The following USP34 variants were observed in gnomAD, a reference collection of about 807,000 sequenced individuals.
The protein encoded by USP34 is ubiquitin carboxyl-terminal hydrolase 34.
In USP34, 70 loss-of-function variants were observed where a neutral mutation model predicts 460.3. That is an observed-to-expected ratio of 0.15 (90% CI 0.13 to 0.19). The LOEUF is 0.19. Ranked by LOEUF, USP34 falls within the 10% of genes least tolerant of loss-of-function variation. USP34 has a pLI of 1.00. For missense variants in USP34, 3,985 were observed against 4,236.2 expected, an observed-to-expected ratio of 0.94 and a Z score of 1.65; for synonymous variants, 1,647 against 1,405.3, an observed-to-expected ratio of 1.17 and a Z score of -3.85.
At chr2:61,344,153 C>T in intron 15 of USP34, 124 bp from the exon 16 acceptor site, 2 of 830,020 alleles carry the variant, frequency 2.4e-6, no homozygotes, top group Non-Finnish European at 3.7e-6. Flanking sequence ...TGCTTATTAA[C>T]AATATGGAAT....
chr2:61,411,095 T>C (rs1228549454), intron 2 of USP34, among the ~76,000 whole-genome samples: 1 of 151,666 alleles, frequency 6.6e-6, no homozygotes, highest in African/African-American at 2.4e-5. Flanking sequence ...AGAAGGCAAG[T>C]GTGATCAAGA....
chr2:61,442,108 A>C (rs1694983425), intron 1 of USP34, among the ~76,000 whole-genome samples: 1 of 152,176 alleles, frequency 6.6e-6, no homozygotes, highest in Non-Finnish European at 1.5e-5. Flanking sequence ...ACTCCTCTAC[A>C]TAAACAATCA....
At chr2:61,327,651 G>A (rs917109001) in intron 20 of USP34, among the ~76,000 whole-genome samples, 1 of 152,104 alleles carries the variant, frequency 6.6e-6, no homozygotes, top group Non-Finnish European at 1.5e-5. Flanking sequence ...CTCGGAATAA[G>A]GGACTAATAA....
At chr2:61,279,324 A>C (rs1689465335) in intron 39 of USP34, among the ~76,000 whole-genome samples, 1 of 152,196 alleles carries the variant, frequency 6.6e-6, no homozygotes, top group Non-Finnish European at 1.5e-5. Flanking sequence ...AAGTTTAAGA[A>C]AAACGTGTCC....
At chr2:61,276,515 C>T (rs1183445288) in intron 41 of USP34, among the ~76,000 whole-genome samples, 2 of 151,990 alleles carry the variant, frequency 1.3e-5, no homozygotes, top group African/African-American at 2.4e-5. Context: ...CATGAAAAGT[C>T]CTGGAAGGCC....
intron 62 of USP34, among the ~76,000 whole-genome samples, chr2:61,226,405 G>A (rs1299059396): frequency 6.6e-6 from 1 of 152,070 alleles, no homozygotes; most frequent in African/African-American, 2.4e-5. Context: ...TTTGCAAATA[G>A]GAAATCCACA....
intron 44 of USP34, among the ~76,000 whole-genome samples, chr2:61,258,415 G>A (rs112117433): frequency 4.6e-5 from 7 of 152,262 alleles, no homozygotes; most frequent in African/African-American, 1.4e-4. Context: ...ATATATACAA[G>A]GCAGAAACAA....
At chr2:61,231,867 TATG>T (rs1687915988) in intron 58 of USP34, among the ~76,000 whole-genome samples, 2 of 149,028 alleles carry the variant, frequency 1.3e-5, no homozygotes, top group Admixed American at 6.7e-5. Flanking sequence ...AATATATAAA[TATG>T]ATATATAACA....
intron 65 of USP34, among the ~76,000 whole-genome samples, chr2:61,222,352 CCAAT>C (rs1687611369): frequency 6.6e-6 from 1 of 152,104 alleles, no homozygotes; most frequent in African/African-American, 2.4e-5. Flanking sequence ...ATATATGTTC[CCAAT>C]CAAACAACTT....
Position 61,405,750 on chromosome 2 carries a change from G to C in USP34, c.510C>G (p.Pro170=). The change falls in exon 3 of 80, where the codon CCC becomes CCG. Residue 170 remains proline (P), a synonymous_variant. Coordinates refer to ENST00000398571, the MANE Select transcript of USP34 (RefSeq NM_014709.4). ...CVAKIFQIQF[P]LYTAYKHNTH... Reference sequence around the variant, plus strand: ...TATTATGCTTGTAAGCAGTATATAAGGGAAACTGAATTTGAAAAATTTTTG... The same window carrying C: ...TATTATGCTTGTAAGCAGTATATAACGGAAACTGAATTTGAAAAATTTTTG... 1 of 1,596,054 alleles carries C rather than the reference G, an allele frequency of 6.3e-7. No homozygotes were observed. Among genetic ancestry groups the C allele is most frequent in the Non-Finnish European group, 8.5e-7 (1 of 1,173,698 alleles).
chr2:61,378,930 A>AAAAAAAAAAAAAAAAAAAAAT (rs1692884409), intron 7 of USP34, among the ~76,000 whole-genome samples: 1 of 150,490 alleles, frequency 6.6e-6, no homozygotes, highest in African/African-American at 2.4e-5. Context: ...AAAAAAAAAA[A>AAAAAAAAAAAAAAAAAAAAAT]AAAAAAACAA....
chr2:61,201,248 G>C (rs976483546), intron 75 of USP34, among the ~76,000 whole-genome samples: 1 of 127,170 alleles, frequency 7.9e-6, no homozygotes, highest in Non-Finnish European at 1.6e-5. Context: ...ACTGGGTCTC[G>C]CTTAGTCACC....
At chr2:61,258,190 C>CA (rs1208332331) in intron 44 of USP34, among the ~76,000 whole-genome samples, 1 of 151,908 alleles carries the variant, frequency 6.6e-6, no homozygotes, top group Non-Finnish European at 1.5e-5. Context: ...TCTGTCTCTA[C>CA]AAAAAATAAA....
At chr2:61,215,642 G>A (rs182793643) in intron 67 of USP34, among the ~76,000 whole-genome samples, 1 of 152,226 alleles carries the variant, frequency 6.6e-6, no homozygotes, top group African/African-American at 2.4e-5. Context: ...TCTGAATCTT[G>A]GAGAAGCAAA....
chr2:61,392,606 G>A (rs930772766), intron 5 of USP34, among the ~76,000 whole-genome samples: 2 of 151,890 alleles, frequency 1.3e-5, no homozygotes, highest in African/African-American at 2.4e-5. Context: ...CCTGGGTGAC[G>A]GAGTGAGACT....
chr2:61,451,073 T>G (rs956057148), intron 1 of USP34, among the ~76,000 whole-genome samples: 3 of 150,284 alleles, frequency 2.0e-5, no homozygotes, highest in Non-Finnish European at 4.4e-5. Flanking sequence ...TAAAAAAAAT[T>G]GGCTGGGCAT....
chr2:61,230,640 T>C (rs995475648), intron 58 of USP34, among the ~76,000 whole-genome samples: 24 of 151,982 alleles, frequency 1.6e-4, no homozygotes, highest in Middle Eastern at 3.4e-3. Flanking sequence ...GTGAGGAGTT[T>C]GAGACCAGCC....
intron 27 of USP34, among the ~76,000 whole-genome samples, chr2:61,304,033 G>C (rs1293873304): frequency 6.6e-6 from 1 of 152,086 alleles, no homozygotes; most frequent in Non-Finnish European, 1.5e-5. Context: ...AAGTAGCTGG[G>C]ATTACGGGTG....
At chr2:61,331,241 C>T (rs1691252389) in intron 20 of USP34, 35 bp downstream of exon 20, 2 of 1,534,922 alleles carry the variant, frequency 1.3e-6, no homozygotes, top group South Asian at 1.2e-5. Flanking sequence ...AAGACATCGA[C>T]ACAAATGTAT....
Sources: allele counts gnomAD v4.1 joint callset (sites outside exome capture counted in the v4.1 genomes callset), GRCh38; gene constraint gnomAD v4.1.1; transcripts MANE v1.5; gene names NCBI Gene and HGNC (gene_info 2026-07-23, HGNC 2026-07-21).